MACROD2: variants seen among roughly 807,000 people sequenced by gnomAD.
MACROD2 encodes mono-ADP ribosylhydrolase 2, also known as ADP-ribose glycohydrolase MACROD2.
In MACROD2, 36 loss-of-function variants were observed where a neutral mutation model predicts 70.4. That is an observed-to-expected ratio of 0.51 (90% confidence interval 0.39 to 0.68). The LOEUF is 0.68. Among genes scored for constraint, MACROD2 ranks in the 30% least tolerant of loss-of-function variants. The pLI is 0.00. For missense variants in MACROD2, 496 were observed against 538.4 expected (o/e 0.92, Z 0.78); for synonymous variants, 172 against 178.8 (o/e 0.96, Z 0.30).
At chr20:15,841,985 G>T (rs2064175741) in intron 8 of MACROD2, among the ~76,000 whole-genome samples, 1 of 152,116 alleles carries the variant, frequency 6.6e-6, no homozygotes, top group African/African-American at 2.4e-5. Context: ...GAGATGAACA[G>T]GAATTGGGTA....
At chr20:14,638,505 A>G (rs1234027278) in intron 4 of MACROD2, among the ~76,000 whole-genome samples, 1 of 152,198 alleles carries the variant, frequency 6.6e-6, no homozygotes, top group East Asian at 1.9e-4. Flanking sequence ...CGTTGAGAGC[A>G]TGGACTCAGA....
chr20:15,767,505 T>A (rs1428792592), intron 8 of MACROD2, among the ~76,000 whole-genome samples: 10 of 152,242 alleles, frequency 6.6e-5, no homozygotes, highest in Non-Finnish European at 1.2e-4. Context: ...TGACAAGCCA[T>A]CCTTTCTTAA....
chr20:16,026,450 C>T (rs995062906), intron 15 of MACROD2, among the ~76,000 whole-genome samples: 4 of 152,144 alleles, frequency 2.6e-5, no homozygotes, highest in African/African-American at 9.7e-5. Flanking sequence ...ATGTTTGAGT[C>T]CATTACTTTC....
intron 6 of MACROD2, among the ~76,000 whole-genome samples, chr20:15,426,162 C>A (rs1394091508): frequency 6.7e-6 from 1 of 150,186 alleles, no homozygotes; most frequent in Admixed American, 6.6e-5. Context: ...TATGACCCTG[C>A]CAAATCCCCC....
intron 4 of MACROD2, among the ~76,000 whole-genome samples, chr20:14,652,092 C>T (rs1347253579): frequency 6.6e-6 from 1 of 151,996 alleles, no homozygotes; most frequent in Non-Finnish European, 1.5e-5. Flanking sequence ...GTAGGTCATC[C>T]CATCAATATT....
rs182329706 is a variant in MACROD2 at position 16,023,291 on chromosome 20, C to T, written c.1154-17910C>T. Among the ~76,000 whole-genome samples, 852 of 151,624 alleles carry T rather than the reference C, an allele frequency of 5.6e-3. 11 individuals are homozygous for T. The highest frequency in any genetic ancestry group is 0.019 in the African/African-American group (800 of 41,328). On this transcript the variant is annotated intron_variant, in intron 15 of 17. Transcript: ENST00000684519. The stretch of plus-strand genomic sequence containing the variant: ...GAGATCGAGACTGTCCTGGCTAACA[C>T]GGTGAAACCCCGTCTCTACTAAAAA...
intron 8 of MACROD2, among the ~76,000 whole-genome samples, chr20:15,833,573 TGA>T (rs1330680303): frequency 3.3e-5 from 5 of 152,156 alleles, no homozygotes; most frequent in African/African-American, 9.7e-5. Flanking sequence ...AAACGTGCTT[TGA>T]GTGCTTTTGG....
At chr20:15,205,534 GACA>G (rs2076694135) in intron 5 of MACROD2, among the ~76,000 whole-genome samples, 3 of 152,062 alleles carry the variant, frequency 2.0e-5, no homozygotes, top group African/African-American at 7.2e-5. Flanking sequence ...TTGGAAGTCT[GACA>G]ACAGCCAACT....
intron 5 of MACROD2, among the ~76,000 whole-genome samples, chr20:15,080,007 A>G (rs2075690425): frequency 6.6e-6 from 1 of 151,804 alleles, no homozygotes; most frequent in Non-Finnish European, 1.5e-5. Flanking sequence ...TATCCCATAC[A>G]CTTACCCTGG....
At chr20:15,523,216 A>G (rs1339453224) in intron 8 of MACROD2, among the ~76,000 whole-genome samples, 1 of 152,248 alleles carries the variant, frequency 6.6e-6, no homozygotes, top group African/African-American at 2.4e-5. Context: ...CAGAGAAAAG[A>G]AAGATTTTTT....
chr20:14,685,087 A>G (rs761517090), intron 5 of MACROD2, 128 bp downstream of exon 5: 84 of 673,202 alleles, frequency 1.2e-4, no homozygotes, highest in Non-Finnish European at 1.9e-4. Context: ...CAGATTTTGT[A>G]CATGGTAATA....
intron 4 of MACROD2, among the ~76,000 whole-genome samples, chr20:14,593,030 A>T (rs1981883309): frequency 6.6e-6 from 1 of 152,190 alleles, no homozygotes; most frequent in Non-Finnish European, 1.5e-5. Context: ...CACATATATT[A>T]TGCTGTGAGT....
intron 5 of MACROD2, among the ~76,000 whole-genome samples, chr20:15,030,716 T>G (rs1378416409): frequency 5.3e-5 from 8 of 151,564 alleles, no homozygotes; most frequent in Admixed American, 2.0e-4. Flanking sequence ...AGATTCCAGA[T>G]AATGCAAATT....
intron 3 of MACROD2, among the ~76,000 whole-genome samples, chr20:14,282,932 G>A (rs894444470): frequency 5.3e-5 from 8 of 152,158 alleles, no homozygotes; most frequent in Non-Finnish European, 1.2e-4. Flanking sequence ...TGAGATTTGG[G>A]TGGGGACAGA....
intron 8 of MACROD2, among the ~76,000 whole-genome samples, chr20:15,714,146 A>G (rs1013329600): frequency 3.9e-5 from 6 of 152,140 alleles, no homozygotes; most frequent in African/African-American, 1.4e-4. Flanking sequence ...CAACCAAACA[A>G]GCAAACAAAA....
chr20:14,919,440 C>G (rs2074134193), intron 5 of MACROD2, among the ~76,000 whole-genome samples: 1 of 152,200 alleles, frequency 6.6e-6, no homozygotes, highest in Non-Finnish European at 1.5e-5. Flanking sequence ...TCTAATTGTT[C>G]AACCTTTCAT....
At position 15,260,069 on chromosome 20, in the gene MACROD2, A is replaced by G. The variant is rs186317747; in HGVS notation, c.540+30008A>G. On this transcript the variant is annotated intron_variant, in intron 6 of 17. Transcript: ENST00000684519. ...ATATTTTCATATAGGCATACAATGT[A>G]TAATGATCAAATAAAGGTAATTGGG... 6.6e-5 allele frequency among the ~76,000 whole-genome samples: 10 copies of G among 152,096 alleles called. No homozygotes were observed. The East Asian group carries it at 1.5e-3, about 23-fold the overall frequency.
intron 5 of MACROD2, among the ~76,000 whole-genome samples, chr20:14,896,617 T>A (rs1227453044): frequency 6.6e-6 from 1 of 151,724 alleles, no homozygotes; most frequent in Admixed American, 6.6e-5. Flanking sequence ...AAGAAGGTTC[T>A]CCTTATATGG....
chr20:14,909,521 A>G (rs2074000288), intron 5 of MACROD2, among the ~76,000 whole-genome samples: 1 of 151,954 alleles, frequency 6.6e-6, no homozygotes, highest in South Asian at 2.1e-4. Flanking sequence ...CTCCATCTGT[A>G]AAATAAAGTA....
Sources: gnomAD v4.1 joint callset for allele counts (sites outside exome capture counted in the v4.1 genomes callset) on GRCh38, gnomAD v4.1.1 for gene constraint, MANE v1.5 for transcripts, NCBI Gene and HGNC (gene_info 2026-07-23, HGNC 2026-07-21) for gene names.